The following SYCP3 variants were observed in gnomAD, a reference collection of about 807,000 sequenced individuals.
SYCP3 encodes synaptonemal complex protein 3.
A neutral mutation model predicts 38.5 loss-of-function variants in SYCP3; 29 were observed. That is an observed-to-expected ratio of 0.75 (90% CI 0.56 to 1.03). SYCP3 has a LOEUF of 1.03. Among genes scored for constraint, SYCP3 ranks in the 50% least tolerant of loss-of-function variants. The pLI is 0.00. For missense variants in SYCP3, 242 were observed against 270.7 expected (o/e 0.89, Z 0.74); for synonymous variants, 79 against 80.3 (o/e 0.98, Z 0.08).
chr12:101,739,213 G>A lies in SYCP3; in HGVS notation c.-18+138C>T, dbSNP rs971938089. The A allele has an allele frequency of 7.2e-6, 7 of 974,530 alleles. No homozygotes were observed. The South Asian group carries it at 1.9e-4, about 26-fold the overall frequency. The allele number at this position is 974,530 out of a possible 1,614,324, so 60.4% of individuals were successfully genotyped here. A position where few individuals can be genotyped will look rare whatever the true frequency, so the allele number is the denominator to read the frequency against. On this transcript the variant is annotated intron_variant, in intron 1 of 8. Coordinates refer to ENST00000392924, the MANE Select transcript of SYCP3 (RefSeq NM_001177949.2). Reference sequence around the variant, plus strand: ...TCCACTAGGCCCTATCCTGCTCAAGGCCCTGTCCTCAGGTTCGCGGCCTCC... The same window carrying A: ...TCCACTAGGCCCTATCCTGCTCAAGACCCTGTCCTCAGGTTCGCGGCCTCC...
In SYCP3 at chr12:101,739,361, C is replaced by A; in HGVS notation, c.-28G>T. On this transcript the variant is annotated 5_prime_UTR_variant, in exon 1 of 9. Transcript: ENST00000392924. ...CTCCCCTGCTCACACCTGAAACACACCGCAATGGCCGAGGACCAGTTACTG... is the reference window on the plus strand; with the variant it reads ...CTCCCCTGCTCACACCTGAAACACAACGCAATGGCCGAGGACCAGTTACTG... 1.0e-6 allele frequency: 1 copy of A among 1,002,886 alleles called. No individual in the cohort carries two copies. Among genetic ancestry groups the A allele is most frequent in the Non-Finnish European group, 1.2e-6 (1 of 830,398 alleles). The allele number at this position is 1,002,886 out of a possible 1,614,324, so 62.1% of individuals were successfully genotyped here. A position where few individuals can be genotyped will look rare whatever the true frequency, so the allele number is the denominator to read the frequency against.
At chr12:101,731,408 A>C (rs1452860783) in intron 7 of SYCP3, among the ~76,000 whole-genome samples, 160 bp downstream of exon 7, 1 of 152,188 alleles carries the variant, frequency 6.6e-6, no homozygotes, top group Non-Finnish European at 1.5e-5. Flanking sequence ...TCCTCAAGTA[A>C]AAATATATTT....
chr12:101,737,703 T>C (rs1952509557), intron 2 of SYCP3, 100 bp downstream of exon 2: 1 of 1,540,078 alleles, frequency 6.5e-7, no homozygotes, highest in Admixed American at 1.7e-5. Context: ...GGGAAGACCA[T>C]ACCTGAAAAT....
At position 101,736,908 on chromosome 12, in the gene SYCP3, T is replaced by C. The variant is rs538505641; in HGVS notation, c.235+129A>G. 9.6e-6 allele frequency: 8 copies of C among 832,086 alleles called. No individual in the cohort carries two copies. The South Asian group carries it at 9.8e-5, about 10-fold the overall frequency. 51.5% of individuals were successfully genotyped at this position (832,086 alleles called of 1,614,324 possible). A position where few individuals can be genotyped will look rare whatever the true frequency, so the allele number is the denominator to read the frequency against. On this transcript the variant is annotated intron_variant, in intron 4 of 8. Transcript: ENST00000392924. ...TGTGATGCTAAATCACAAATACTTA[T>C]GCAGAATCTTCTATGTGAGAACAAG... is the stretch of plus-strand genomic sequence containing the variant.
chr12:101,732,532 A>G lies in SYCP3; in HGVS notation c.454-866T>C, dbSNP rs1952229801. 3 of 152,206 alleles carry G rather than the reference A, an allele frequency of 2.0e-5. No homozygotes were observed. The South Asian group carries it at 6.2e-4, about 31-fold the overall frequency. The allele number at this position is 152,206 out of a possible 1,614,324, so 9.4% of individuals were successfully genotyped here. A position where few individuals can be genotyped will look rare whatever the true frequency, so the allele number is the denominator to read the frequency against. Reference sequence around the variant, plus strand: ...CGAGTTCCTGTTACAAAATGGCATCATATTTGCATATAACCAATGCACATC... The same window carrying G: ...CGAGTTCCTGTTACAAAATGGCATCGTATTTGCATATAACCAATGCACATC... On this transcript the variant is annotated intron_variant, in intron 6 of 8. Transcript: ENST00000392924.
At chr12:101,737,702 A>G in intron 2 of SYCP3, 101 bp downstream of exon 2, 1 of 1,538,358 alleles carries the variant, frequency 6.5e-7, no homozygotes, top group Non-Finnish European at 8.9e-7. Flanking sequence ...AGGGAAGACC[A>G]TACCTGAAAA....
chr12:101,739,390 G>A lies in SYCP3; in HGVS notation c.-57C>T. On this transcript the variant is annotated 5_prime_UTR_variant, in exon 1 of 9. It adds an upstream start codon to the 5' untranslated region. Transcript: ENST00000392924. ...AATGGCCGAGGACCAGTTACTGGTC[G>A]TCGACAGGCGTCCTCCACAACTCCT... 1 of 1,002,718 alleles carries A rather than the reference G, an allele frequency of 1.0e-6. No homozygotes were observed. The highest frequency in any genetic ancestry group is 1.2e-6 in the Non-Finnish European group (1 of 830,324). The allele number at this position is 1,002,718 out of a possible 1,614,324, so 62.1% of individuals were successfully genotyped here.
chr12:101,728,762 T>C lies in SYCP3; in HGVS notation c.*165A>G, dbSNP rs1952044287. The stretch of plus-strand genomic sequence containing the variant: ...TTAGGAATAGTTGCTAACTAACTCA[T>C]AACTATTTAGATTTGACTTAACAGA... On this transcript the variant is annotated 3_prime_UTR_variant, in exon 9 of 9. Coordinates refer to ENST00000392924, the MANE Select transcript of SYCP3 (RefSeq NM_001177949.2). 5 of 936,090 alleles carry C rather than the reference T, an allele frequency of 5.3e-6. No individual in the cohort carries two copies. The highest frequency in any genetic ancestry group is 1.7e-5 in the African/African-American group (1 of 59,952). 58.0% of individuals were successfully genotyped at this position (936,090 alleles called of 1,614,324 possible). A position where few individuals can be genotyped will look rare whatever the true frequency, so the allele number is the denominator to read the frequency against.
chr12:101,730,386 T>C (rs1952133207), intron 7 of SYCP3: 1 of 375,242 alleles, frequency 2.7e-6, no homozygotes, highest in Admixed American at 3.7e-5. Context: ...TATCTAGTAC[T>C]TTATCAAAAC....
At position 101,733,426 on chromosome 12, in the gene SYCP3, C is replaced by G; in HGVS notation, c.453+149G>C. On this transcript the variant is annotated intron_variant, in intron 6 of 8. Coordinates refer to ENST00000392924, the MANE Select transcript of SYCP3 (RefSeq NM_001177949.2). The stretch of plus-strand genomic sequence containing the variant: ...TTTATGAGTATGGTATGTGCCTATA[C>G]GTCTGTGGTTTACAGTTCAGTAGGT... 4 of 683,056 alleles carry G rather than the reference C, an allele frequency of 5.9e-6. No individual in the cohort carries two copies. In the South Asian group the frequency reaches 6.9e-5, roughly 12 times the overall value. The allele number at this position is 683,056 out of a possible 1,614,324, so 42.3% of individuals were successfully genotyped here. A position where few individuals can be genotyped will look rare whatever the true frequency, so the allele number is the denominator to read the frequency against.
intron 4 of SYCP3, 41 bp from the exon 5 acceptor site, chr12:101,735,085 A>C (rs1329947351): frequency 1.4e-6 from 2 of 1,400,562 alleles, no homozygotes; most frequent in Non-Finnish European, 2.0e-6. Context: ...TAATGTTGAA[A>C]AAAGTATTTT....
Position 101,730,882 on chromosome 12 carries a change from T to C in SYCP3, c.552+686A>G, listed in dbSNP as rs77582209. Among the ~76,000 whole-genome samples the C allele has an allele frequency of 5.4e-3, 827 of 152,334 alleles. 7 individuals carry two copies. Among genetic ancestry groups the C allele is most frequent in the African/African-American group, 0.019 (776 of 41,564 alleles). ...CTTTAATGTTATTTTAACATGTATT[T>C]GCACAAGACTATCTAAAGGAACCAC... On this transcript the variant is annotated intron_variant, in intron 7 of 8. Coordinates refer to ENST00000392924, the MANE Select transcript of SYCP3 (RefSeq NM_001177949.2).
intron 4 of SYCP3, among the ~76,000 whole-genome samples, chr12:101,736,829 T>C (rs1229259285): frequency 6.6e-6 from 1 of 152,082 alleles, no homozygotes; most frequent in Non-Finnish European, 1.5e-5. Flanking sequence ...AATTCACATA[T>C]GTATAAAATA....
At chr12:101,732,479 C>T (rs535406885) in intron 6 of SYCP3, 3 of 152,190 alleles carry the variant, frequency 2.0e-5, no homozygotes, top group East Asian at 3.9e-4. Context: ...ACACCCAACC[C>T]CTCAGGAGAC....
Position 101,728,938 on chromosome 12 carries a change from T to C in SYCP3, c.700A>G (p.Met234Val), listed in dbSNP as rs1448431311. The C allele has an allele frequency of 1.2e-6, 2 of 1,613,540 alleles. No homozygotes were observed. The highest frequency in any genetic ancestry group is 2.2e-5 in the South Asian group (2 of 91,070). The change falls in exon 9 of 9, where the codon ATG (methionine) becomes GTG (valine). Residue 234 changes from methionine to valine, a missense_variant. Physicochemically the swap from Met to Val is conservative, Grantham distance 21. Transcript: ENST00000392924. ...IASVRKSLQS[M>V]LF is the part of the protein sequence containing the mutation. ...TCTTCAAAGAGTCATCAGAATAACA[T>C]GGATTGAAGAGACTTCCGAACACTT...
Position 101,728,820 on chromosome 12 carries a change from T to G in SYCP3, c.*107A>C. ...GTCTTACAATGAAACAGGTTTATGA[T>G]TAAAGATGTTACAATTAAACTATTC... On this transcript the variant is annotated 3_prime_UTR_variant, in exon 9 of 9. Coordinates refer to ENST00000392924, the MANE Select transcript of SYCP3 (RefSeq NM_001177949.2). 6.6e-7 allele frequency: 1 copy of G among 1,522,626 alleles called. No homozygotes were observed. 94.3% of individuals were successfully genotyped at this position (1,522,626 alleles called of 1,614,324 possible).
In SYCP3 at chr12:101,729,000, A is replaced by G; in HGVS notation, c.658-20T>C. 1 of 1,613,506 alleles carries G rather than the reference A, an allele frequency of 6.2e-7. No individual in the cohort carries two copies. The highest frequency in any genetic ancestry group is 8.5e-7 in the Non-Finnish European group (1 of 1,179,664). On this transcript the variant is annotated intron_variant, in intron 8 of 8. Coordinates refer to ENST00000392924, the MANE Select transcript of SYCP3 (RefSeq NM_001177949.2). The stretch of plus-strand genomic sequence containing the variant: ...CTGCTGCTGTTTCATGGAAGGAGAT[A>G]TTAAACATTTGTTTAATTTTTATTT...
chr12:101,729,957 G>T (rs539891368), intron 7 of SYCP3, among the ~76,000 whole-genome samples: 1 of 152,176 alleles, frequency 6.6e-6, no homozygotes, highest in Admixed American at 6.5e-5. Flanking sequence ...ATAGTGAGCT[G>T]AGAGAAAGCA....
At position 101,735,871 on chromosome 12, in the gene SYCP3, A is replaced by ATATATATATTTTTTTTTTTTTTT; in HGVS notation, c.236-828_236-827insAAAAAAAAAAAAAAATATATATA. On this transcript the variant is annotated intron_variant, in intron 4 of 8. Coordinates refer to ENST00000392924, the MANE Select transcript of SYCP3 (RefSeq NM_001177949.2). ...CAATTTTATATATATATATATATAT[A>ATATATATATTTTTTTTTTTTTTT]TTTTTTTTTTTTTAAAGACACGGGG... Among the ~76,000 whole-genome samples the ATATATATATTTTTTTTTTTTTTT allele has an allele frequency of 2.6e-3, 194 of 74,642 alleles. 1 individual carries two copies. Among genetic ancestry groups the ATATATATATTTTTTTTTTTTTTT allele is most frequent in the Non-Finnish European group, 3.9e-3 (154 of 39,906 alleles). 49.0% of individuals were successfully genotyped at this position (74,642 alleles called of 152,430 possible).
Sources: allele counts gnomAD v4.1 joint callset (sites outside exome capture counted in the v4.1 genomes callset), GRCh38; gene constraint gnomAD v4.1.1; transcripts MANE v1.5; gene names NCBI Gene and HGNC (gene_info 2026-07-23, HGNC 2026-07-21).